Variants in PCSK5 observed in about 807,000 individuals in gnomAD.
The protein encoded by PCSK5 is prohormone convertase 5.
Under a neutral mutation model 233.2 loss-of-function variants are expected in PCSK5, and 129 were observed. The observed-to-expected ratio is 0.55, with a 90% CI of 0.48 to 0.64. The LOEUF (loss-of-function observed/expected upper bound fraction) is 0.64, where lower values mean the gene tolerates loss of function less well. Among genes scored for constraint, PCSK5 ranks in the 30% least tolerant of loss-of-function variants. The pLI is 0.00. For missense variants in PCSK5, 2,076 were observed against 2,430.1 expected, an observed-to-expected ratio of 0.85 and a Z score of 3.06; for synonymous variants, 825 against 879.2, an observed-to-expected ratio of 0.94 and a Z score of 1.09.
chr9:76,064,028 C>A (rs1198150869), intron 5 of PCSK5, among the ~76,000 whole-genome samples: 1 of 99,294 alleles, frequency 1.0e-5, no homozygotes, highest in Non-Finnish European at 2.0e-5. Flanking sequence ...CACCTCCCTC[C>A]CGGACGGGGC....
intron 17 of PCSK5, among the ~76,000 whole-genome samples, chr9:76,185,863 A>G (rs1241407663): frequency 2.0e-5 from 3 of 152,212 alleles, no homozygotes; most frequent in African/African-American, 7.2e-5. Flanking sequence ...GGATTATGAT[A>G]AAGGTTAACT....
rs138082162 is a variant in PCSK5 at position 76,071,811 on chromosome 9, C to T, written c.807C>T (p.Ser269=). The T allele has an allele frequency of 2.3e-5, 37 of 1,614,084 alleles. No individual in the cohort carries two copies. Among genetic ancestry groups the T allele is most frequent in the East Asian group, 4.5e-5 (2 of 44,890 alleles). The change falls in exon 7 of 38, where the codon AGC becomes AGT. Residue 269 remains serine, a synonymous_variant. Transcript: ENST00000674117. Reference sequence around the variant, plus strand: ...ACCCCCAGCACGTGCACATTTACAGCGCCAGCTGGGGCCCGGATGATGATG... The same window carrying T: ...ACCCCCAGCACGTGCACATTTACAGTGCCAGCTGGGGCCCGGATGATGATG... ...SFNPQHVHIY[S]ASWGPDDDGK...
intron 2 of PCSK5, among the ~76,000 whole-genome samples, chr9:75,935,466 T>C (rs1374778064): frequency 2.0e-5 from 3 of 152,214 alleles, no homozygotes; most frequent in African/African-American, 7.2e-5. Flanking sequence ...TTCTAAATAA[T>C]TCACTGTGTA....
chr9:75,907,066 T>C (rs1363423116), intron 1 of PCSK5, among the ~76,000 whole-genome samples: 2 of 152,222 alleles, frequency 1.3e-5, no homozygotes, highest in Non-Finnish European at 2.9e-5. Context: ...TCTTTACCTA[T>C]ATTTTGCTCT....
intron 20 of PCSK5, chr9:76,205,138 GTATTTTT>G (rs779569072): frequency 7.7e-6 from 4 of 518,718 alleles, no homozygotes; most frequent in Non-Finnish European, 1.5e-5. Flanking sequence ...TCATTGTCAG[GTATTTTT>G]TCCCCCACCA....
intron 37 of PCSK5, 93 bp from the exon 38 acceptor site, chr9:76,358,420 G>A: frequency 1.1e-6 from 1 of 905,548 alleles, no homozygotes. Context: ...TTAAAATAAA[G>A]GTGAAATTCT....
At chr9:76,208,021 T>C (rs1825190703) in intron 20 of PCSK5, among the ~76,000 whole-genome samples, 1 of 152,130 alleles carries the variant, frequency 6.6e-6, no homozygotes, top group African/African-American at 2.4e-5. Context: ...AGCGTACATG[T>C]GTCAGAGAGA....
chr9:75,906,600 C>A (rs1826275548), intron 1 of PCSK5, among the ~76,000 whole-genome samples: 1 of 152,126 alleles, frequency 6.6e-6, no homozygotes, highest in South Asian at 2.1e-4. Flanking sequence ...AAGGAGATGG[C>A]AAATGCAAAG....
At chr9:75,971,396 G>A (rs564445412) in intron 2 of PCSK5, among the ~76,000 whole-genome samples, 4 of 152,212 alleles carry the variant, frequency 2.6e-5, no homozygotes, top group East Asian at 3.9e-4. Flanking sequence ...GTGAACATAC[G>A]CATGTATGTA....
At chr9:76,106,362 C>T (rs1448814331) in intron 8 of PCSK5, among the ~76,000 whole-genome samples, 2 of 152,112 alleles carry the variant, frequency 1.3e-5, no homozygotes, top group Non-Finnish European at 2.9e-5. Context: ...GAGTGGTTTC[C>T]AGAATCTTAT....
intron 9 of PCSK5, among the ~76,000 whole-genome samples, chr9:76,121,561 A>G (rs868813430): frequency 6.6e-6 from 1 of 152,218 alleles, no homozygotes; most frequent in Non-Finnish European, 1.5e-5. Flanking sequence ...ATAAGGTAAC[A>G]TGGGTAGTAA....
chr9:76,240,470 C>A, intron 23 of PCSK5, 146 bp from the exon 24 acceptor site: 1 of 633,368 alleles, frequency 1.6e-6, no homozygotes. Context: ...GTAGAAACCA[C>A]ATATATCCTC....
intron 24 of PCSK5, among the ~76,000 whole-genome samples, chr9:76,269,456 TA>T (rs1184827440): frequency 6.6e-6 from 1 of 152,162 alleles, no homozygotes; most frequent in African/African-American, 2.4e-5. Context: ...GTGTTACTAG[TA>T]AAAATTGAGA....
At chr9:76,143,873 T>C (rs371890781) in intron 10 of PCSK5, among the ~76,000 whole-genome samples, 6 of 152,126 alleles carry the variant, frequency 3.9e-5, no homozygotes, top group African/African-American at 1.4e-4. Flanking sequence ...ATTTCCTTTG[T>C]TTGACCAAAG....
intron 3 of PCSK5, among the ~76,000 whole-genome samples, chr9:76,012,433 A>G (rs759624557): frequency 9.2e-5 from 14 of 152,228 alleles, no homozygotes; most frequent in Non-Finnish European, 1.5e-4. Context: ...GGAGGCCCCA[A>G]GTGAAAACCA....
intron 33 of PCSK5, 150 bp from the exon 34 acceptor site, chr9:76,332,283 T>A: frequency 1.7e-6 from 1 of 604,016 alleles, no homozygotes. Flanking sequence ...ACACTAATCT[T>A]ATTTCCCAAA....
intron 36 of PCSK5, among the ~76,000 whole-genome samples, chr9:76,352,125 A>G (rs1229015901): frequency 6.6e-6 from 1 of 152,238 alleles, no homozygotes; most frequent in Non-Finnish European, 1.5e-5. Flanking sequence ...AGCAGCTGTG[A>G]GGGCTGCTGC....
At chr9:75,999,304 T>C (rs112080551) in intron 3 of PCSK5, among the ~76,000 whole-genome samples, 1,746 of 152,092 alleles carry the variant, frequency 0.011, 20 homozygotes, top group South Asian at 0.045. Flanking sequence ...CGGGAGACCC[T>C]AACCCAGCGG....
At chr9:76,064,550 C>T (rs1171958745) in intron 5 of PCSK5, among the ~76,000 whole-genome samples, 16 of 150,386 alleles carry the variant, frequency 1.1e-4, no homozygotes, top group Admixed American at 7.2e-4. Flanking sequence ...GGCTGCCGGG[C>T]GGAGACGCTC....
Sources: gnomAD v4.1 joint callset for allele counts (sites outside exome capture counted in the v4.1 genomes callset) on GRCh38, gnomAD v4.1.1 for gene constraint, MANE v1.5 for transcripts, NCBI Gene and HGNC (gene_info 2026-07-23, HGNC 2026-07-21) for gene names.